ANKS1A: variants seen among roughly 807,000 people sequenced by gnomAD.
ANKS1A encodes the protein ankyrin repeat and SAM domain-containing protein 1A.
ANKS1A carries 55 observed loss-of-function variants against 120.3 expected under a neutral mutation model. The observed-to-expected ratio is 0.46, with a 90% confidence interval of 0.37 to 0.57. The LOEUF (loss-of-function observed/expected upper bound fraction) is 0.57, where lower values mean the gene tolerates loss of function less well. Among genes scored for constraint, ANKS1A ranks in the 20% least tolerant of loss-of-function variants. ANKS1A has a pLI of 0.00. For synonymous variants in ANKS1A, 590 were observed against 604.7 expected, an observed-to-expected ratio of 0.98 and a Z score of 0.36; for missense variants, 1,123 against 1,480.3, an observed-to-expected ratio of 0.76 and a Z score of 3.96.
In ANKS1A at chr6:34,930,762, C is replaced by T. The variant is rs144297821; in HGVS notation, c.198-36477C>T. On this transcript the variant is annotated intron_variant, in intron 1 of 23. Coordinates refer to ENST00000360359, the MANE Select transcript of ANKS1A (RefSeq NM_015245.3). ...TATCAACTTGCCTCGTTTCTGTTAC[C>T]ACAGCCACTGATGTAGCTGAGGCCC... Among the ~76,000 whole-genome samples, 236 of 152,240 alleles carry T rather than the reference C, an allele frequency of 1.6e-3. 8 individuals are homozygous for T. In the East Asian group the frequency reaches 0.044, roughly 28 times the overall value.
intron 1 of ANKS1A, among the ~76,000 whole-genome samples, chr6:34,958,536 G>A (rs1770481696): frequency 6.6e-6 from 1 of 152,004 alleles, no homozygotes; most frequent in African/African-American, 2.4e-5. Context: ...ATAACAAATG[G>A]ACCATCTGAG....
At chr6:35,072,195 G>GAA (rs1777116801) in intron 13 of ANKS1A, among the ~76,000 whole-genome samples, 5 of 152,280 alleles carry the variant, frequency 3.3e-5, no homozygotes, top group Non-Finnish European at 5.9e-5. Flanking sequence ...AAGCCAGGAA[G>GAA]AAAGCAGTGT....
intron 1 of ANKS1A, among the ~76,000 whole-genome samples, chr6:34,958,425 T>G (rs1770472838): frequency 6.6e-6 from 1 of 152,176 alleles, no homozygotes; most frequent in Non-Finnish European, 1.5e-5. Flanking sequence ...GCTCCCTGGA[T>G]CTAGTCACAC....
At chr6:35,088,549 C>T (rs1203321291) in intron 23 of ANKS1A, 57 bp from the exon 24 acceptor site, 67 of 1,603,320 alleles carry the variant, frequency 4.2e-5, no homozygotes, top group African/African-American at 6.7e-5. Flanking sequence ...TTTCCTCCAC[C>T]GTCCGCAGGC....
chr6:35,063,416 C>T (rs999780370), intron 13 of ANKS1A, among the ~76,000 whole-genome samples: 7 of 152,210 alleles, frequency 4.6e-5, no homozygotes, highest in African/African-American at 1.4e-4. Flanking sequence ...CTCAGCCTGA[C>T]GCCCTTCACA....
chr6:34,967,183 G>A, intron 1 of ANKS1A, 56 bp from the exon 2 acceptor site: 2 of 1,576,306 alleles, frequency 1.3e-6, no homozygotes, highest in Non-Finnish European at 1.7e-6. Flanking sequence ...TCTAACTTTG[G>A]TTTGTGACTT....
intron 1 of ANKS1A, among the ~76,000 whole-genome samples, chr6:34,927,350 G>C (rs1768766931): frequency 6.6e-6 from 1 of 152,116 alleles, no homozygotes; most frequent in South Asian, 2.1e-4. Context: ...CCTAGACTCT[G>C]TAAGGAAACT....
intron 1 of ANKS1A, among the ~76,000 whole-genome samples, chr6:34,954,323 T>A (rs1483532500): frequency 6.6e-6 from 1 of 152,160 alleles, no homozygotes; most frequent in Non-Finnish European, 1.5e-5. Flanking sequence ...AAACAATTCG[T>A]CATTGCTCTT....
intron 1 of ANKS1A, among the ~76,000 whole-genome samples, chr6:34,909,626 T>C (rs1476457837): frequency 6.6e-6 from 1 of 152,204 alleles, no homozygotes; most frequent in East Asian, 1.9e-4. Flanking sequence ...AACGGAGTTA[T>C]AGAGAGAAAA....
At chr6:35,061,649 A>G (rs2127592180) in intron 13 of ANKS1A, among the ~76,000 whole-genome samples, 1 of 152,388 alleles carries the variant, frequency 6.6e-6, no homozygotes, top group Middle Eastern at 3.4e-3. Context: ...ACCCTTTCCA[A>G]GCCAGCTTTG....
At chr6:35,037,845 G>A (rs565416098) in intron 11 of ANKS1A, among the ~76,000 whole-genome samples, 1 of 152,262 alleles carries the variant, frequency 6.6e-6, no homozygotes, top group East Asian at 1.9e-4. Flanking sequence ...TTTCCCTGGG[G>A]TCCTGGTTCT....
chr6:34,909,779 G>A (rs1767819885), intron 1 of ANKS1A, among the ~76,000 whole-genome samples: 1 of 152,220 alleles, frequency 6.6e-6, no homozygotes, highest in African/African-American at 2.4e-5. Context: ...GAAGGGATGA[G>A]GTCTGGGTGG....
the ANKS1A span, among the ~76,000 whole-genome samples, chr6:35,096,998 G>A: frequency 2.0e-5 from 3 of 151,090 alleles, no homozygotes; most frequent in African/African-American, 7.3e-5. Context: ...TTCTGCTGGT[G>A]TTGAGATAAC....
At chr6:34,994,170 G>A in intron 9 of ANKS1A, 132 bp from the exon 10 acceptor site, 5 of 1,213,800 alleles carry the variant, frequency 4.1e-6, no homozygotes, top group Non-Finnish European at 5.7e-6. Context: ...TGTGACACTT[G>A]AATTATTCAC....
At chr6:34,934,459 C>T (rs1054433271) in intron 1 of ANKS1A, among the ~76,000 whole-genome samples, 64 of 152,116 alleles carry the variant, frequency 4.2e-4, no homozygotes, top group Admixed American at 9.2e-4. Flanking sequence ...CCCCCAGGTA[C>T]TTTATAACAC....
chr6:34,972,466 C>A, intron 3 of ANKS1A: 1 of 270,210 alleles, frequency 3.7e-6, no homozygotes, highest in Non-Finnish European at 5.7e-6. Flanking sequence ...CCCTTTGAGG[C>A]ATCCAGAGGG....
Position 35,058,862 on chromosome 6 carries a change from A to G in ANKS1A, c.2078-1285A>G, listed in dbSNP as rs1012705450. ...GCTGAACTTCTGTCCTCCCTGCACCACCAAAATCCCCATGCTGATCGAGGA... is the reference window on the plus strand; with the variant it reads ...GCTGAACTTCTGTCCTCCCTGCACCGCCAAAATCCCCATGCTGATCGAGGA... On this transcript the variant is annotated intron_variant, in intron 12 of 23. Coordinates refer to ENST00000360359, the MANE Select transcript of ANKS1A (RefSeq NM_015245.3). The surrounding 1 kb of genome is among the most constrained non-coding windows in gnomAD (Gnocchi z 5.1). Among the ~76,000 whole-genome samples, 1 of 152,200 alleles carries G rather than the reference A, an allele frequency of 6.6e-6. No individual in the cohort carries two copies. Among genetic ancestry groups the G allele is most frequent in the African/African-American group, 2.4e-5 (1 of 41,444 alleles).
rs999068589 is a variant in ANKS1A at position 35,039,107 on chromosome 6, G to A, written c.2011-14992G>A. Among the ~76,000 whole-genome samples, 10 of 148,816 alleles carry A rather than the reference G, an allele frequency of 6.7e-5. No individual in the cohort carries two copies. The South Asian group carries it at 2.1e-3, about 32-fold the overall frequency. Reference sequence around the variant, plus strand: ...GTGTGTGTGTGGGGGGGGGTTATATGCATTTTTATCATGTGTAAGTTCATG... The same window carrying A: ...GTGTGTGTGTGGGGGGGGGTTATATACATTTTTATCATGTGTAAGTTCATG... On this transcript the variant is annotated intron_variant, in intron 11 of 23. Coordinates refer to ENST00000360359, the MANE Select transcript of ANKS1A (RefSeq NM_015245.3).
intron 11 of ANKS1A, among the ~76,000 whole-genome samples, chr6:35,020,620 A>G (rs1431486521): frequency 6.6e-6 from 1 of 152,192 alleles, no homozygotes; most frequent in African/African-American, 2.4e-5. Flanking sequence ...TCTTCACAGG[A>G]TATTTATGTC....
Sources: gnomAD v4.1 joint callset for allele counts (sites outside exome capture counted in the v4.1 genomes callset) on GRCh38, gnomAD v4.1.1 for gene constraint, Gnocchi (gnomAD v3.1) non-coding constraint, MANE v1.5 for transcripts, NCBI Gene and HGNC (gene_info 2026-07-23, HGNC 2026-07-21) for gene names.